The following ANKS1B variants were observed in gnomAD, a reference collection of about 807,000 sequenced individuals.
ANKS1B encodes ankyrin repeat and sterile alpha motif domain containing 1B.
ANKS1B carries 36 observed loss-of-function variants against 148.3 expected under a neutral mutation model. That is an observed-to-expected ratio of 0.24 (90% CI 0.19 to 0.32). The LOEUF is 0.32. Among genes scored for constraint, ANKS1B ranks in the 10% least tolerant of loss-of-function variants. The pLI is 1.00. For missense variants in ANKS1B, 1,157 were observed against 1,542.6 expected (o/e 0.75, Z 4.19); for synonymous variants, 542 against 560.8 (o/e 0.97, Z 0.47).
chr12:98,894,242 A>G (rs2099758748), intron 17 of ANKS1B, among the ~76,000 whole-genome samples: 1 of 152,200 alleles, frequency 6.6e-6, no homozygotes, highest in South Asian at 2.1e-4. Context: ...TGGACTTGGC[A>G]TGGCTTTTTA....
intron 14 of ANKS1B, among the ~76,000 whole-genome samples, chr12:99,229,534 T>C (rs2086494635): frequency 6.6e-6 from 1 of 151,960 alleles, no homozygotes; most frequent in Admixed American, 6.6e-5. Context: ...GGATGACAAT[T>C]CCTTTGCTAT....
chr12:99,524,091 G>A (rs1395321018), intron 9 of ANKS1B, among the ~76,000 whole-genome samples: 2 of 152,136 alleles, frequency 1.3e-5, no homozygotes, highest in Admixed American at 6.5e-5. Flanking sequence ...ATGACTCAAG[G>A]TAGGTGAAAG....
At chr12:99,526,372 A>G (rs1236177073) in intron 9 of ANKS1B, among the ~76,000 whole-genome samples, 1 of 152,194 alleles carries the variant, frequency 6.6e-6, no homozygotes, top group Non-Finnish European at 1.5e-5. Flanking sequence ...AACTACCATT[A>G]CTATTTCTAA....
intron 9 of ANKS1B, among the ~76,000 whole-genome samples, chr12:99,579,483 G>C (rs2097549702): frequency 6.6e-6 from 1 of 151,862 alleles, no homozygotes; most frequent in Non-Finnish European, 1.5e-5. Context: ...GAATCTATAA[G>C]AAACATAACA....
intron 9 of ANKS1B, among the ~76,000 whole-genome samples, chr12:99,638,048 T>C (rs1428078787): frequency 6.6e-6 from 1 of 152,010 alleles, no homozygotes; most frequent in Non-Finnish European, 1.5e-5. Context: ...AAGGGTATTT[T>C]TCCCCCTTTG....
At chr12:99,491,962 A>G (rs545266374) in intron 10 of ANKS1B, among the ~76,000 whole-genome samples, 1 of 152,314 alleles carries the variant, frequency 6.6e-6, no homozygotes, top group East Asian at 1.9e-4. Context: ...AAATTTAGAA[A>G]GATCTCAAAT....
intron 9 of ANKS1B, among the ~76,000 whole-genome samples, chr12:99,601,954 T>C (rs1687743951): frequency 6.6e-6 from 1 of 151,984 alleles, no homozygotes; most frequent in Non-Finnish European, 1.5e-5. Context: ...GAGTATTTCT[T>C]TGTGGCCAGC....
chr12:99,904,820 A>C (rs2093723610), intron 1 of ANKS1B, among the ~76,000 whole-genome samples: 1 of 152,200 alleles, frequency 6.6e-6, no homozygotes, highest in African/African-American at 2.4e-5. Flanking sequence ...ACCGAGTTGG[A>C]TCACTTACTA....
At chr12:99,149,697 C>T (rs1417159507) in intron 15 of ANKS1B, among the ~76,000 whole-genome samples, 1 of 152,076 alleles carries the variant, frequency 6.6e-6, no homozygotes, top group Non-Finnish European at 1.5e-5. Flanking sequence ...GTAATATAAA[C>T]TCCTTAATAC....
intron 12 of ANKS1B, among the ~76,000 whole-genome samples, chr12:99,272,056 C>T (rs1045122678): frequency 7.9e-5 from 12 of 151,726 alleles, no homozygotes; most frequent in Admixed American, 2.6e-4. Context: ...CTGATAACAC[C>T]GCAAAAGGGG....
Position 98,758,837 on chromosome 12 carries a change from G to A in ANKS1B, c.3580-7315C>T, listed in dbSNP as rs547960605. Among the ~76,000 whole-genome samples the A allele has an allele frequency of 3.6e-5, 5 of 137,432 alleles. No individual in the cohort carries two copies. The East Asian group carries it at 1.1e-3, about 31-fold the overall frequency. The allele number at this position is 137,432 out of a possible 152,430, so 90.2% of individuals were successfully genotyped here. A position where few individuals can be genotyped will look rare whatever the true frequency, so the allele number is the denominator to read the frequency against. ...ACTCTCTTACCTAGGCTGGAGTGCAGTGGTGTGATCTCAGCTTACTGCCAT... is the reference window on the plus strand; with the variant it reads ...ACTCTCTTACCTAGGCTGGAGTGCAATGGTGTGATCTCAGCTTACTGCCAT... On this transcript the variant is annotated intron_variant, in intron 25 of 26. Coordinates refer to ENST00000683438, the MANE Select transcript of ANKS1B (RefSeq NM_001352186.2).
chr12:99,807,701 T>C (rs1013549709), intron 3 of ANKS1B, among the ~76,000 whole-genome samples: 8 of 152,144 alleles, frequency 5.3e-5, no homozygotes, highest in East Asian at 3.9e-4. Flanking sequence ...ATTATCTCCA[T>C]TTTACAGATG....
At chr12:99,845,350 T>A (rs763968143) in intron 1 of ANKS1B, among the ~76,000 whole-genome samples, 39 of 152,202 alleles carry the variant, frequency 2.6e-4, no homozygotes, top group Non-Finnish European at 5.0e-4. Context: ...CAGTATAATA[T>A]TGGCTGTGGG....
At chr12:99,112,951 G>A (rs2060605750) in intron 15 of ANKS1B, among the ~76,000 whole-genome samples, 1 of 152,136 alleles carries the variant, frequency 6.6e-6, no homozygotes, top group African/African-American at 2.4e-5. Context: ...ACAATCCTCA[G>A]CACCAAAGGG....
intron 17 of ANKS1B, among the ~76,000 whole-genome samples, chr12:99,043,153 T>C (rs1266706242): frequency 6.6e-6 from 1 of 152,180 alleles, no homozygotes; most frequent in Non-Finnish European, 1.5e-5. Flanking sequence ...AAAAAGATCA[T>C]AGTCATGTTT....
At chr12:98,769,165 C>CTTTTTTTATTTTTTTT (rs2098532590) in intron 25 of ANKS1B, among the ~76,000 whole-genome samples, 1 of 41,216 alleles carries the variant, frequency 2.4e-5, no homozygotes, top group Non-Finnish European at 4.4e-5. Flanking sequence ...GTCTTCTTTA[C>CTTTTTTTATTTTTTTT]TTTTTTTTTT....
intron 8 of ANKS1B, among the ~76,000 whole-genome samples, chr12:99,738,086 G>C (rs2059776812): frequency 6.6e-6 from 1 of 152,096 alleles, no homozygotes; most frequent in Non-Finnish European, 1.5e-5. Flanking sequence ...ATGCTGTAAA[G>C]CAGGCACAAC....
intron 2 of ANKS1B, among the ~76,000 whole-genome samples, chr12:99,817,872 G>C (rs1441310405): frequency 6.6e-6 from 1 of 151,438 alleles, no homozygotes; most frequent in Non-Finnish European, 1.5e-5. Flanking sequence ...TTTGCTATTG[G>C]GTTTTTTAGT....
At chr12:99,702,542 G>C (rs2055007174) in intron 8 of ANKS1B, among the ~76,000 whole-genome samples, 1 of 151,796 alleles carries the variant, frequency 6.6e-6, no homozygotes, top group Non-Finnish European at 1.5e-5. Flanking sequence ...GGTTTTGTTT[G>C]ATTGCCTTTT....
Sources: gnomAD v4.1 joint callset for allele counts (sites outside exome capture counted in the v4.1 genomes callset) on GRCh38, gnomAD v4.1.1 for gene constraint, MANE v1.5 for transcripts, NCBI Gene and HGNC (gene_info 2026-07-23, HGNC 2026-07-21) for gene names.